Variants in GLS observed in about 807,000 individuals in gnomAD.
The protein encoded by GLS is glutaminase kidney isoform, mitochondrial.
GLS carries 36 observed loss-of-function variants against 86.7 expected under a neutral mutation model. The ratio of observed to expected loss-of-function variants is 0.42; its 90% confidence interval spans 0.32 to 0.55. The LOEUF (loss-of-function observed/expected upper bound fraction) is 0.55. Ranked by LOEUF, GLS falls within the 20% of genes least tolerant of loss-of-function variation. The pLI is 0.17. For missense variants in GLS, 528 were observed against 833.4 expected, an observed-to-expected ratio of 0.63 and a Z score of 4.51; for synonymous variants, 317 against 305.9, an observed-to-expected ratio of 1.04 and a Z score of -0.38.
At chr2:190,898,148 A>G (rs1186406999) in intron 3 of GLS, among the ~76,000 whole-genome samples, 1 of 152,184 alleles carries the variant, frequency 6.6e-6, no homozygotes, top group African/African-American at 2.4e-5. Context: ...TTGTTTTGCA[A>G]GAAAGTGAAT....
intron 14 of GLS, chr2:190,934,575 C>T (rs901458093): frequency 8.1e-6 from 8 of 982,678 alleles, no homozygotes; most frequent in Non-Finnish European, 8.5e-6. Context: ...TTTGGGCAAC[C>T]GAATGCCTTA....
Position 190,956,261 on chromosome 2 carries a change from T to C in GLS, c.1853+1443T>C, listed in dbSNP as rs912586785. ...AGGGTTTTTATGGTTTTAGGTCTTATGTTTAAGTCTTTAATCCATCTTGAG... is the reference window on the plus strand; with the variant it reads ...AGGGTTTTTATGGTTTTAGGTCTTACGTTTAAGTCTTTAATCCATCTTGAG... On this transcript the variant is annotated intron_variant, in intron 17 of 17. Coordinates refer to ENST00000320717, the MANE Select transcript of GLS (RefSeq NM_014905.5). This position sits in a 1 kb window ranked among gnomAD's most constrained non-coding sequence, Gnocchi z 4.2. Among the ~76,000 whole-genome samples, 7 of 152,316 alleles carry C rather than the reference T, an allele frequency of 4.6e-5. No homozygotes were observed. In the East Asian group the frequency reaches 1.2e-3, roughly 25 times the overall value.
chr2:190,909,303 C>T (rs181189404), intron 6 of GLS, among the ~76,000 whole-genome samples: 1 of 152,200 alleles, frequency 6.6e-6, no homozygotes, highest in East Asian at 1.9e-4. Context: ...TACATTACTT[C>T]ATATATTTAT....
chr2:190,880,863 A>C lies in GLS; in HGVS notation c.-222A>C. On this transcript the variant is annotated 5_prime_UTR_variant, in exon 1 of 18. Transcript: ENST00000320717. ...GGAGCGAAGAGAACCGGTCGCGGCA[A>C]TCCTAGCGCGCAGCAGCAGCAGCAG... is the stretch of plus-strand genomic sequence containing the variant. The C allele has an allele frequency of 1.2e-6, 1 of 829,640 alleles. No individual in the cohort carries two copies. Among genetic ancestry groups the C allele is most frequent in the Non-Finnish European group, 1.9e-6 (1 of 518,398 alleles). 51.4% of individuals were successfully genotyped at this position (829,640 alleles called of 1,614,324 possible).
At chr2:190,961,896 T>TA (rs1691011415) in intron 17 of GLS, among the ~76,000 whole-genome samples, 1 of 152,104 alleles carries the variant, frequency 6.6e-6, no homozygotes, top group South Asian at 2.1e-4. Flanking sequence ...GAAGTGAAAC[T>TA]AGGAAGGTGG....
intron 7 of GLS, among the ~76,000 whole-genome samples, chr2:190,917,029 C>T (rs1689559046): frequency 6.6e-6 from 1 of 152,156 alleles, no homozygotes; most frequent in Non-Finnish European, 1.5e-5. Flanking sequence ...GTGGCAATTT[C>T]TTAAAATAAG....
intron 14 of GLS, chr2:190,934,885 G>A (rs943829934): frequency 5.1e-6 from 5 of 979,084 alleles, no homozygotes; most frequent in South Asian, 4.7e-5. Context: ...AAGATACTGC[G>A]AATAGGCCCT....
Position 190,956,079 on chromosome 2 carries a change from C to G in GLS, c.1853+1261C>G, listed in dbSNP as rs553778422. On this transcript the variant is annotated intron_variant, in intron 17 of 17. Transcript: ENST00000320717. The surrounding 1 kb of genome is among the most constrained non-coding windows in gnomAD (Gnocchi z 4.2). ...TCTCCCATTCTGTAGGTTGCCTGTT[C>G]GCCCTGATGATAGTTTCTTTTGCTG... is the stretch of plus-strand genomic sequence containing the variant. Among the ~76,000 whole-genome samples the G allele has an allele frequency of 6.6e-6, 1 of 152,100 alleles. No individual in the cohort carries two copies. The highest frequency in any genetic ancestry group is 2.1e-4 in the South Asian group (1 of 4,828).
intron 11 of GLS, among the ~76,000 whole-genome samples, chr2:190,926,249 GC>G (rs1223255857): frequency 6.6e-6 from 1 of 152,182 alleles, no homozygotes; most frequent in Non-Finnish European, 1.5e-5. Context: ...AATTCAGAAA[GC>G]CTTGCATGAT....
intron 3 of GLS, among the ~76,000 whole-genome samples, chr2:190,899,463 C>A (rs1286083574): frequency 6.6e-6 from 1 of 151,796 alleles, no homozygotes; most frequent in Admixed American, 6.6e-5. Context: ...AACTGTGAAA[C>A]CTGGCTTTTA....
chr2:190,934,984 G>C (rs763561031), intron 14 of GLS: 1 of 960,518 alleles, frequency 1.0e-6, no homozygotes, highest in Admixed American at 6.2e-5. Flanking sequence ...CAAAGTTCTT[G>C]ATAGTACCCA....
chr2:190,958,479 C>T (rs1558997145), intron 17 of GLS, among the ~76,000 whole-genome samples: 1 of 152,030 alleles, frequency 6.6e-6, no homozygotes, highest in Admixed American at 6.6e-5. Context: ...TTTGTTTGCT[C>T]TTGTTTCTCT....
rs780035049 is a variant in GLS, at chr2:190,895,177, A to G, written c.412A>G (p.Ser138Gly). The G allele has an allele frequency of 6.5e-7, 1 of 1,539,576 alleles. No homozygotes were observed. Among genetic ancestry groups the G allele is most frequent in the Non-Finnish European group, 9.0e-7 (1 of 1,115,334 alleles). Residue 138 changes from serine (S) to glycine (G), a missense_variant, in exon 2 of 18, where the codon AGC (serine) becomes GGC (glycine). Coordinates refer to ENST00000320717, the MANE Select transcript of GLS (RefSeq NM_014905.5). This position sits in a 1 kb window ranked among gnomAD's most constrained non-coding sequence, Gnocchi z 4.2. ...TAAAATAAAACAGGGTCTGTTACCTAGCTTGGAAGATTTGCTGTTCTATAC... is the reference window on the plus strand; with the variant it reads ...TAAAATAAAACAGGGTCTGTTACCTGGCTTGGAAGATTTGCTGTTCTATAC... The part of the protein sequence containing the change: ...ENKIKQGLLP[S>G]LEDLLFYTIA...
At chr2:190,957,824 G>C (rs1363448100) in intron 17 of GLS, among the ~76,000 whole-genome samples, 1 of 152,110 alleles carries the variant, frequency 6.6e-6, no homozygotes, top group Non-Finnish European at 1.5e-5. Context: ...GTTTATTGAG[G>C]ATTTTCGCAT....
Position 190,905,773 on chromosome 2 carries a change from T to C in GLS, c.979+606T>C, listed in dbSNP as rs1382713695. 6.6e-6 allele frequency among the ~76,000 whole-genome samples: 1 copy of C among 152,138 alleles called. No homozygotes were observed. On this transcript the variant is annotated intron_variant, in intron 6 of 17. Coordinates refer to ENST00000320717, the MANE Select transcript of GLS (RefSeq NM_014905.5). The surrounding 1 kb of genome is among the most constrained non-coding windows in gnomAD (Gnocchi z 4.6). Reference sequence around the variant, plus strand: ...TTTGATCTGATAGAGATTTTAAGTCTAAACATCATTTAGCTGAGTGCAAAC... The same window carrying C: ...TTTGATCTGATAGAGATTTTAAGTCCAAACATCATTTAGCTGAGTGCAAAC...
At chr2:190,915,709 C>T (rs1689510980) in intron 7 of GLS, among the ~76,000 whole-genome samples, 1 of 152,112 alleles carries the variant, frequency 6.6e-6, no homozygotes. Flanking sequence ...TCATGTCTTT[C>T]AAATTTTAGT....
intron 14 of GLS, chr2:190,933,104 AAG>A (rs1690161443): frequency 3.2e-6 from 3 of 945,160 alleles, no homozygotes; most frequent in African/African-American, 3.5e-5. Flanking sequence ...AAAATACAAA[AAG>A]GAAAAATTTA....
chr2:190,960,665 T>G (rs1471818102), intron 17 of GLS, among the ~76,000 whole-genome samples: 1 of 152,048 alleles, frequency 6.6e-6, no homozygotes, highest in African/African-American at 2.4e-5. Flanking sequence ...TGTGAGCCAT[T>G]GAGCCTGGCC....
chr2:190,880,898 CAGCAGCAG>C lies in GLS; in HGVS notation c.-186_-179del. The C allele has an allele frequency of 1.2e-6, 1 of 860,824 alleles. No homozygotes were observed. Among genetic ancestry groups the C allele is most frequent in the Non-Finnish European group, 1.8e-6 (1 of 556,188 alleles). The allele number at this position is 860,824 out of a possible 1,614,324, so 53.3% of individuals were successfully genotyped here. A position where few individuals can be genotyped will look rare whatever the true frequency, so the allele number is the denominator to read the frequency against. On this transcript the variant is annotated 5_prime_UTR_variant, in exon 1 of 18. Coordinates refer to ENST00000320717, the MANE Select transcript of GLS (RefSeq NM_014905.5). ...GCAGCAGCAGCAGCAGCAGCAGCAGCAGCAGCAGCAGCAGCAGCAGCACCCGCATCCGC... is the reference window on the plus strand; with the variant it reads ...GCAGCAGCAGCAGCAGCAGCAGCAGCCAGCAGCAGCAGCACCCGCATCCGC...
Sources: allele counts gnomAD v4.1 joint callset (sites outside exome capture counted in the v4.1 genomes callset), GRCh38; gene constraint gnomAD v4.1.1; non-coding constraint Gnocchi (gnomAD v3.1); transcripts MANE v1.5; gene names NCBI Gene and HGNC (gene_info 2026-07-23, HGNC 2026-07-21).